GRIA1: variants seen among roughly 807,000 people sequenced by gnomAD.
The protein encoded by GRIA1 is glutamate receptor 1.
A neutral mutation model predicts 99.2 loss-of-function variants in GRIA1; 31 were observed. The observed-to-expected ratio is 0.31, with a 90% confidence interval of 0.23 to 0.42. The LOEUF is 0.42. GRIA1 is among the 10% of genes least tolerant of loss of function. GRIA1 has a pLI of 1.00. For missense variants in GRIA1, 782 were observed against 1,157.5 expected, an observed-to-expected ratio of 0.68 and a Z score of 4.71; for synonymous variants, 438 against 432.4, an observed-to-expected ratio of 1.01 and a Z score of -0.16.
At chr5:153,631,730 C>T (rs1227075342) in intron 2 of GRIA1, among the ~76,000 whole-genome samples, 2 of 152,040 alleles carry the variant, frequency 1.3e-5, no homozygotes, top group Non-Finnish European at 2.9e-5. Context: ...AATCTAATTG[C>T]CATCCACGTT....
chr5:153,699,740 G>T (rs774368185), intron 10 of GRIA1, among the ~76,000 whole-genome samples: 1 of 152,006 alleles, frequency 6.6e-6, no homozygotes, highest in Admixed American at 6.6e-5. Flanking sequence ...TGTAACAGGG[G>T]TAGGACTATT....
chr5:153,726,534 T>C lies in GRIA1; in HGVS notation c.1823+20467T>C, dbSNP rs377747751. On this transcript the variant is annotated intron_variant, in intron 11 of 15. Transcript: ENST00000285900. The stretch of plus-strand genomic sequence containing the variant: ...AGAAAAGAGAGAAGAATCAAATAGA[T>C]GCAATAAAAAATAATAAAGGGGATA... Among the ~76,000 whole-genome samples the C allele has an allele frequency of 8.6e-3, 1,308 of 151,520 alleles. 8 individuals are homozygous for C. The highest frequency in any genetic ancestry group is 0.014 in the Middle Eastern group (4 of 294).
chr5:153,726,901 C>T (rs1047658397), intron 11 of GRIA1, among the ~76,000 whole-genome samples: 3 of 152,172 alleles, frequency 2.0e-5, no homozygotes, highest in African/African-American at 4.8e-5. Flanking sequence ...CAAGCATCAT[C>T]CTGATATCAA....
intron 8 of GRIA1, among the ~76,000 whole-genome samples, chr5:153,687,140 T>C (rs528845363): frequency 2.6e-5 from 4 of 152,324 alleles, no homozygotes; most frequent in Non-Finnish European, 5.9e-5. Flanking sequence ...TTATTATGCT[T>C]CATGGAAGCC....
chr5:153,729,968 A>C (rs1303071685), intron 11 of GRIA1, among the ~76,000 whole-genome samples: 1 of 152,106 alleles, frequency 6.6e-6, no homozygotes, highest in African/African-American at 2.4e-5. Flanking sequence ...TTGTTTACTT[A>C]ATTGAGTAAA....
chr5:153,712,706 G>C (rs1759402419), intron 11 of GRIA1, among the ~76,000 whole-genome samples: 1 of 152,164 alleles, frequency 6.6e-6, no homozygotes, highest in South Asian at 2.1e-4. Context: ...ACGTCATTTA[G>C]GCCACAGGTT....
At chr5:153,801,012 A>T (rs1019306770) in intron 14 of GRIA1, among the ~76,000 whole-genome samples, 5 of 152,260 alleles carry the variant, frequency 3.3e-5, no homozygotes, top group African/African-American at 1.2e-4. Context: ...TCAATGAGAC[A>T]TTTATTGTAC....
chr5:153,758,288 A>T lies in GRIA1; in HGVS notation c.1824-6146A>T, dbSNP rs980641594. 2.5e-4 allele frequency among the ~76,000 whole-genome samples: 38 copies of T among 152,174 alleles called. 3 individuals carry two copies. Among genetic ancestry groups the T allele is most frequent in the Middle Eastern group, 6.8e-3 (2 of 294 alleles). ...GAATTAATAAAAATAAATAAGACCC[A>T]ATTATATGCCACTCACAAGAGGGTC... is the stretch of plus-strand genomic sequence containing the variant. On this transcript the variant is annotated intron_variant, in intron 11 of 15. Transcript: ENST00000285900.
intron 2 of GRIA1, among the ~76,000 whole-genome samples, chr5:153,501,331 A>C (rs185985650): frequency 2.6e-5 from 4 of 152,302 alleles, no homozygotes; most frequent in Non-Finnish European, 5.9e-5. Context: ...TGTAATAAAC[A>C]ATCTGAAAGA....
At chr5:153,581,955 A>C (rs1010911347) in intron 2 of GRIA1, among the ~76,000 whole-genome samples, 1 of 152,022 alleles carries the variant, frequency 6.6e-6, no homozygotes, top group Non-Finnish European at 1.5e-5. Flanking sequence ...ATGGGGTTTC[A>C]CCATGTTGGC....
chr5:153,503,569 C>T (rs1755210480), intron 2 of GRIA1, among the ~76,000 whole-genome samples: 1 of 152,128 alleles, frequency 6.6e-6, no homozygotes, highest in Non-Finnish European at 1.5e-5. Context: ...GTTCATTACC[C>T]ATAAATGAAT....
chr5:153,765,225 G>C (rs1763438738), intron 12 of GRIA1, among the ~76,000 whole-genome samples: 1 of 152,210 alleles, frequency 6.6e-6, no homozygotes, highest in Non-Finnish European at 1.5e-5. Context: ...CAGCCTTCAA[G>C]TTCAGCAGAT....
At chr5:153,568,107 G>C (rs1561649095) in intron 2 of GRIA1, among the ~76,000 whole-genome samples, 1 of 152,252 alleles carries the variant, frequency 6.6e-6, no homozygotes, top group East Asian at 1.9e-4. Flanking sequence ...AAGTCTCCAG[G>C]CTAGTAAGCT....
chr5:153,628,542 A>G lies in GRIA1; in HGVS notation c.221-18386A>G, dbSNP rs889315852. ...AATGATAGTTTTTATTGTCTGTGCT[A>G]TGACTATTTCAGTGAACATTATCTC... On this transcript the variant is annotated intron_variant, in intron 2 of 15. Coordinates refer to ENST00000285900, the MANE Select transcript of GRIA1 (RefSeq NM_000827.4). Among the ~76,000 whole-genome samples, 4 of 152,244 alleles carry G rather than the reference A, an allele frequency of 2.6e-5. No individual in the cohort carries two copies. In the South Asian group the frequency reaches 6.2e-4, roughly 24 times the overall value.
intron 11 of GRIA1, among the ~76,000 whole-genome samples, chr5:153,757,823 G>C (rs1762928525): frequency 6.6e-6 from 1 of 152,078 alleles, no homozygotes; most frequent in African/African-American, 2.4e-5. Context: ...CAAACGGGAA[G>C]AAAAGGACAC....
At chr5:153,555,812 T>G (rs1280640004) in intron 2 of GRIA1, among the ~76,000 whole-genome samples, 3 of 152,192 alleles carry the variant, frequency 2.0e-5, no homozygotes, top group African/African-American at 7.2e-5. Context: ...CAGCTGAAAG[T>G]CGAATCATTT....
chr5:153,679,551 G>A (rs1408325064), intron 7 of GRIA1, among the ~76,000 whole-genome samples: 1 of 152,230 alleles, frequency 6.6e-6, no homozygotes, highest in Non-Finnish European at 1.5e-5. Context: ...CCCCAGTTAG[G>A]TCTGTGCTAT....
intron 2 of GRIA1, among the ~76,000 whole-genome samples, chr5:153,551,958 C>T (rs1428687593): frequency 1.3e-5 from 2 of 152,278 alleles, no homozygotes; most frequent in Non-Finnish European, 1.5e-5. Flanking sequence ...AAAGCCCCCC[C>T]TCATCCTCTC....
intron 13 of GRIA1, among the ~76,000 whole-genome samples, chr5:153,793,913 T>G (rs1291083230): frequency 2.6e-5 from 4 of 152,224 alleles, no homozygotes; most frequent in African/African-American, 9.6e-5. Flanking sequence ...ACAGCAGTCA[T>G]GTAAATGAAG....
Sources: gnomAD v4.1 joint callset for allele counts (sites outside exome capture counted in the v4.1 genomes callset) on GRCh38, gnomAD v4.1.1 for gene constraint, MANE v1.5 for transcripts, NCBI Gene and HGNC (gene_info 2026-07-23, HGNC 2026-07-21) for gene names.